Variants in VPS35L observed in about 807,000 individuals in gnomAD.
The protein encoded by VPS35L is VPS35 endosomal protein sorting factor like.
VPS35L carries 83 observed loss-of-function variants against 133.0 expected under a neutral mutation model. The ratio of observed to expected loss-of-function variants is 0.62; its 90% CI spans 0.52 to 0.75. VPS35L has a LOEUF of 0.75. Ranked by LOEUF, VPS35L falls within the 30% of genes least tolerant of loss-of-function variation. VPS35L has a pLI of 0.00. For synonymous variants in VPS35L, 423 were observed against 449.9 expected (o/e 0.94, Z 0.76); for missense variants, 1,083 against 1,206.8 (o/e 0.90, Z 1.52).
In VPS35L at chr16:19,700,654, G is replaced by A. The variant is rs192467814; in HGVS notation, c.*178G>A. On this transcript the variant is annotated 3_prime_UTR_variant, in exon 31 of 31. Transcript: ENST00000417362. ...TTATTCTGACAATGAAGAAATGGGA[G>A]TTGTCAGAGCATTAAAATGCAATCT... 1.1e-4 allele frequency: 66 copies of A among 588,190 alleles called. No individual in the cohort carries two copies. The African/African-American group carries it at 1.2e-3, about 11-fold the overall frequency. The allele number at this position is 588,190 out of a possible 1,614,324, so 36.4% of individuals were successfully genotyped here.
intron 21 of VPS35L, among the ~76,000 whole-genome samples, chr16:19,641,474 A>G (rs1041580096): frequency 3.0e-5 from 4 of 135,276 alleles, no homozygotes; most frequent in African/African-American, 1.4e-4. Flanking sequence ...CAGGGTTAAG[A>G]AAAAAAAGCT....
intron 13 of VPS35L, 36 bp downstream of exon 13, chr16:19,616,227 A>G (rs1972889267): frequency 6.5e-7 from 1 of 1,543,734 alleles, no homozygotes; most frequent in Non-Finnish European, 8.9e-7. Context: ...CATCGATATA[A>G]CAGTTCTATG....
Position 19,557,786 on chromosome 16 carries a change from C to T in VPS35L, c.17+2040C>T, listed in dbSNP as rs888612221. On this transcript the variant is annotated intron_variant, in intron 1 of 30. Coordinates refer to ENST00000417362, the MANE Select transcript of VPS35L (RefSeq NM_020314.7). ...AAAGGACTGGCTGGGCGCGGTCACT[C>T]ATGCCTGTAATCCCAGCACTTTGGG... Among the ~76,000 whole-genome samples the T allele has an allele frequency of 2.6e-5, 4 of 152,112 alleles. No individual in the cohort carries two copies. The South Asian group carries it at 6.2e-4, about 24-fold the overall frequency.
rs567046796 is a variant in VPS35L, at chr16:19,646,151, G to A, written c.1929+1202G>A. Among the ~76,000 whole-genome samples the A allele has an allele frequency of 5.9e-5, 9 of 152,238 alleles. No individual in the cohort carries two copies. The South Asian group carries it at 1.5e-3, about 25-fold the overall frequency. ...AGGCTGCTACAGGGAGTGTGGTGTG[G>A]CACTGGCGTGGCACGATTGGGCTGG... On this transcript the variant is annotated intron_variant, in intron 23 of 30. Transcript: ENST00000417362.
chr16:19,669,233 G>T lies in VPS35L; in HGVS notation c.2295G>T (p.Met765Ile), dbSNP rs772933612. ...AGATGATTAATATTGATGGGAAGATGCGGCCATCGGAATCGTTCCTTCTGG... is the reference window on the plus strand; with the variant it reads ...AGATGATTAATATTGATGGGAAGATTCGGCCATCGGAATCGTTCCTTCTGG... ...VPKMINIDGKMRPSESFLLEF... is the reference protein window; with the variant it reads ...VPKMINIDGKIRPSESFLLEF... The change falls in exon 27 of 31, where the codon ATG (methionine) becomes ATT (isoleucine). Residue 765 changes from methionine (M) to isoleucine (I), a missense_variant. Met to Ile is a conservative substitution (Grantham distance 10). Transcript: ENST00000417362. 9 of 1,613,242 alleles carry T rather than the reference G, an allele frequency of 5.6e-6. No homozygotes were observed. In the Middle Eastern group the frequency reaches 5.0e-4, roughly 89 times the overall value.
chr16:19,628,700 C>T lies in VPS35L; in HGVS notation c.1447C>T (p.Leu483Phe). 1 of 1,599,998 alleles carries T rather than the reference C, an allele frequency of 6.3e-7. No homozygotes were observed. Among genetic ancestry groups the T allele is most frequent in the Non-Finnish European group, 8.5e-7 (1 of 1,171,450 alleles). ...ALADPPESDR[L>F]QILNEAWKVI... Reference sequence around the variant, plus strand: ...GGCTGATCCTCCTGAGAGTGACCGACTTCAGATTCTCAACGAAGCTTGGAA... The same window carrying T: ...GGCTGATCCTCCTGAGAGTGACCGATTTCAGATTCTCAACGAAGCTTGGAA... The change falls in exon 17 of 31, where the codon CTT becomes TTT. Residue 483 changes from leucine (L) to phenylalanine (F), a missense_variant. Leu to Phe is a conservative substitution (Grantham distance 22). Transcript: ENST00000417362.
chr16:19,644,016 G>A (rs1194997378), intron 22 of VPS35L, among the ~76,000 whole-genome samples: 1 of 151,936 alleles, frequency 6.6e-6, no homozygotes, highest in East Asian at 1.9e-4. Flanking sequence ...AGGACAGTGG[G>A]CAATCTTTGC....
chr16:19,621,736 T>G (rs1311659182), intron 14 of VPS35L, among the ~76,000 whole-genome samples: 1 of 152,232 alleles, frequency 6.6e-6, no homozygotes, highest in African/African-American at 2.4e-5. Context: ...CTATAACATT[T>G]GGCTCTCCGA....
rs1976096486 is a variant in VPS35L, at chr16:19,700,572, T to G, written c.*96T>G. ...CTCTTACGGCAATTTAGGTTTCTCA[T>G]TTTTCTTTTCTTTTTACATATGTAC... On this transcript the variant is annotated 3_prime_UTR_variant, in exon 31 of 31. Transcript: ENST00000417362. The G allele has an allele frequency of 1.9e-6, 2 of 1,056,614 alleles. No homozygotes were observed. The highest frequency in any genetic ancestry group is 3.2e-5 in the African/African-American group (2 of 62,564). The allele number at this position is 1,056,614 out of a possible 1,614,324, so 65.5% of individuals were successfully genotyped here.
chr16:19,670,509 C>T (rs144867240), intron 27 of VPS35L, among the ~76,000 whole-genome samples: 38 of 152,322 alleles, frequency 2.5e-4, no homozygotes, highest in African/African-American at 7.5e-4. Flanking sequence ...TTAGTGAGTA[C>T]TCACAATGTC....
At chr16:19,679,413 AT>A (rs36127728) in intron 27 of VPS35L, among the ~76,000 whole-genome samples, 8,103 of 136,520 alleles carry the variant, frequency 0.059, 635 homozygotes, top group East Asian at 0.33. Context: ...CACGTGGCTA[AT>A]TTTTTTTTTT....
At chr16:19,678,974 G>T (rs567984910) in intron 27 of VPS35L, among the ~76,000 whole-genome samples, 1 of 152,268 alleles carries the variant, frequency 6.6e-6, no homozygotes, top group Non-Finnish European at 1.5e-5. Flanking sequence ...GTGTTGCATG[G>T]TCTGTCACAA....
At chr16:19,630,426 C>T (rs952465269) in intron 18 of VPS35L, among the ~76,000 whole-genome samples, 8 of 151,212 alleles carry the variant, frequency 5.3e-5, no homozygotes, top group South Asian at 2.1e-4. Context: ...CTCCGCCTCC[C>T]GGGTTCACGC....
At chr16:19,686,645 C>T (rs1975470778) in intron 28 of VPS35L, among the ~76,000 whole-genome samples, 1 of 152,164 alleles carries the variant, frequency 6.6e-6, no homozygotes, top group African/African-American at 2.4e-5. Flanking sequence ...GACATCATTT[C>T]TCCCCCTCGT....
At chr16:19,698,348 C>T (rs1346259862) in intron 29 of VPS35L, among the ~76,000 whole-genome samples, 2 of 152,130 alleles carry the variant, frequency 1.3e-5, no homozygotes, top group African/African-American at 4.8e-5. Flanking sequence ...CTTCTTCCTC[C>T]TCTTTCCTGT....
intron 1 of VPS35L, among the ~76,000 whole-genome samples, chr16:19,558,888 A>C (rs142476403): frequency 0.014 from 2,128 of 149,026 alleles, 46 homozygotes; most frequent in African/African-American, 0.049. Flanking sequence ...GCGCCACTGC[A>C]CTCCAGCCTG....
intron 2 of VPS35L, among the ~76,000 whole-genome samples, chr16:19,566,746 C>A (rs891387886): frequency 6.6e-6 from 1 of 151,746 alleles, no homozygotes; most frequent in African/African-American, 2.4e-5. Flanking sequence ...AACAGTTGGC[C>A]CCCCCCTTTT....
intron 14 of VPS35L, chr16:19,617,065 A>C: frequency 1.6e-6 from 1 of 619,832 alleles, no homozygotes; most frequent in Middle Eastern, 4.2e-4. Context: ...ACACAGCTAG[A>C]AAGCAGTTTG....
chr16:19,590,619 A>T (rs1032789210), intron 7 of VPS35L, among the ~76,000 whole-genome samples: 2 of 152,164 alleles, frequency 1.3e-5, no homozygotes, highest in Non-Finnish European at 2.9e-5. Context: ...AAAAGTCCTG[A>T]ACGCTAAATA....
Sources: allele counts gnomAD v4.1 joint callset (sites outside exome capture counted in the v4.1 genomes callset), GRCh38; gene constraint gnomAD v4.1.1; transcripts MANE v1.5; gene names NCBI Gene and HGNC (gene_info 2026-07-23, HGNC 2026-07-21).